The following LAMC2 variants were observed in gnomAD, a reference collection of about 807,000 sequenced individuals.
LAMC2 encodes the protein laminin subunit gamma 2.
In LAMC2, 97 loss-of-function variants were observed where a neutral mutation model predicts 140.2. The observed-to-expected ratio is 0.69, with a 90% confidence interval of 0.59 to 0.82. The LOEUF (loss-of-function observed/expected upper bound fraction) is 0.82. LAMC2 is among the 40% of genes least tolerant of loss of function. LAMC2 has a pLI of 0.00. For synonymous variants in LAMC2, 513 were observed against 540.2 expected, an observed-to-expected ratio of 0.95 and a Z score of 0.70; for missense variants, 1,402 against 1,476.1, an observed-to-expected ratio of 0.95 and a Z score of 0.82.
chr1:183,253,941 GTGTA>G, the LAMC2 span, among the ~76,000 whole-genome samples: 1 of 147,668 alleles, frequency 6.8e-6, no homozygotes, highest in South Asian at 2.2e-4. Context: ...GTGTGTGTGT[GTGTA>G]TGTGTGTGTG....
chr1:183,194,613 A>G (rs894354564), intron 1 of LAMC2, among the ~76,000 whole-genome samples: 6 of 152,192 alleles, frequency 3.9e-5, no homozygotes, highest in Non-Finnish European at 7.3e-5. Flanking sequence ...ACAAATTAGA[A>G]TCTCCTTTTT....
At chr1:183,239,246 T>C in intron 19 of LAMC2, 118 bp from the exon 20 acceptor site, 3 of 917,944 alleles carry the variant, frequency 3.3e-6, no homozygotes, top group Non-Finnish European at 5.5e-6. Flanking sequence ...TCCCACACCG[T>C]CATCCCCAGT....
chr1:183,228,131 C>A lies in LAMC2; in HGVS notation c.1469-243C>A, dbSNP rs1659687035. ...CTTACTACTTCTGTGGAGCTGCCTG[C>A]TTTTTCCCAGCCAGCTAGTTAAGCC... On this transcript the variant is annotated intron_variant, in intron 10 of 22. Coordinates refer to ENST00000264144, the MANE Select transcript of LAMC2 (RefSeq NM_005562.3). The surrounding 1 kb of genome is among the most constrained non-coding windows in gnomAD (Gnocchi z 4.3). Among the ~76,000 whole-genome samples, 1 of 152,164 alleles carries A rather than the reference C, an allele frequency of 6.6e-6. No homozygotes were observed. Among genetic ancestry groups the A allele is most frequent in the Non-Finnish European group, 1.5e-5 (1 of 68,022 alleles).
chr1:183,236,817 C>T (rs1659977556), intron 17 of LAMC2, among the ~76,000 whole-genome samples: 1 of 152,264 alleles, frequency 6.6e-6, no homozygotes. Flanking sequence ...CCATGCTAAA[C>T]CTATTACTGG....
chr1:183,188,348 G>A (rs563439846), intron 1 of LAMC2, among the ~76,000 whole-genome samples: 7 of 152,354 alleles, frequency 4.6e-5, no homozygotes, highest in South Asian at 2.1e-4. Flanking sequence ...CAAAGTGACC[G>A]TGTCTGAGTG....
At chr1:183,227,031 C>T (rs753386746) in intron 9 of LAMC2, 115 bp downstream of exon 9, 11 of 828,122 alleles carry the variant, frequency 1.3e-5, no homozygotes, top group Non-Finnish European at 2.2e-5. Context: ...TTAAGGAGAG[C>T]AGAGCTGGAG....
At chr1:183,217,400 A>G (rs906894846) in intron 3 of LAMC2, among the ~76,000 whole-genome samples, 2 of 152,222 alleles carry the variant, frequency 1.3e-5, no homozygotes, top group African/African-American at 4.8e-5. Flanking sequence ...TATTAAACCC[A>G]GCAATCCCAG....
chr1:183,230,802 G>A (rs889497155), intron 11 of LAMC2, among the ~76,000 whole-genome samples, 159 bp from the exon 12 acceptor site: 3 of 152,202 alleles, frequency 2.0e-5, no homozygotes, highest in Non-Finnish European at 2.9e-5. Context: ...AGGCAAACCT[G>A]CCACATGATT....
chr1:183,250,184 T>C, the LAMC2 span: 3 of 152,254 alleles, frequency 2.0e-5, no homozygotes, highest in African/African-American at 2.4e-5. Context: ...TCCTGGCTTA[T>C]GACTGTTCTG....
chr1:183,230,761 A>C (rs1259398092), intron 11 of LAMC2, among the ~76,000 whole-genome samples, 200 bp from the exon 12 acceptor site: 1 of 152,226 alleles, frequency 6.6e-6, no homozygotes, highest in Non-Finnish European at 1.5e-5. Flanking sequence ...GCTGCCAGAA[A>C]GGCTGTAATC....
In LAMC2 at chr1:183,243,543, G is replaced by GGCCATGGGATCAGGA; in HGVS notation, c.*143_*144insGCCATGGGATCAGGA. 2.0e-6 allele frequency: 2 copies of GGCCATGGGATCAGGA among 1,002,608 alleles called. No homozygotes were observed. Among genetic ancestry groups the GGCCATGGGATCAGGA allele is most frequent in the Non-Finnish European group, 3.1e-6 (2 of 648,316 alleles). 62.1% of individuals were successfully genotyped at this position (1,002,608 alleles called of 1,614,324 possible). On this transcript the variant is annotated 3_prime_UTR_variant, in exon 23 of 23. Transcript: ENST00000264144. ...GGTCAACTGACCTGACCCCATTCCT[G>GGCCATGGGATCAGGA]ATCCCATGGCCAGGTGGTTGTCTTA...
At chr1:183,231,717 G>T (rs1351965549) in intron 12 of LAMC2, among the ~76,000 whole-genome samples, 1 of 152,208 alleles carries the variant, frequency 6.6e-6, no homozygotes, top group Non-Finnish European at 1.5e-5. Context: ...CTGGAATGAG[G>T]ATTGGGGAAG....
intron 2 of LAMC2, among the ~76,000 whole-genome samples, chr1:183,214,877 T>A (rs1659202518): frequency 1.3e-5 from 2 of 152,080 alleles, no homozygotes. Flanking sequence ...CTGTAAAAAG[T>A]GGAATCATAA....
In LAMC2 at chr1:183,213,340, A is replaced by C. The variant is rs114194186; in HGVS notation, c.269-2113A>C. ...GTGACTCATTTATTTCACATTCCAC[A>C]TGCTGCATAAAGTCTTCATACAGGC... On this transcript the variant is annotated intron_variant, in intron 2 of 22. Transcript: ENST00000264144. Among the ~76,000 whole-genome samples, 1,136 of 152,362 alleles carry C rather than the reference A, an allele frequency of 7.5e-3. 10 individuals are homozygous for C. The highest frequency in any genetic ancestry group is 0.013 in the Non-Finnish European group (857 of 68,036).
intron 11 of LAMC2, among the ~76,000 whole-genome samples, chr1:183,230,127 C>T (rs532357549): frequency 3.3e-5 from 5 of 152,206 alleles, no homozygotes; most frequent in Admixed American, 3.3e-4. Context: ...TTCTAGGTTA[C>T]TAACAGAAAT....
At position 183,243,862 on chromosome 1, in the gene LAMC2, A is replaced by G. The variant is rs976111002; in HGVS notation, c.*462A>G. ...AGTGCAACCCAGTCACACTGTGGCCAGTAAAATACTATTGCCTCATATTGT... is the reference window on the plus strand; with the variant it reads ...AGTGCAACCCAGTCACACTGTGGCCGGTAAAATACTATTGCCTCATATTGT... On this transcript the variant is annotated 3_prime_UTR_variant, in exon 23 of 23. Transcript: ENST00000264144. The G allele has an allele frequency of 4.4e-6, 1 of 229,502 alleles. No homozygotes were observed. The highest frequency in any genetic ancestry group is 8.7e-6 in the Non-Finnish European group (1 of 114,516). 14.2% of individuals were successfully genotyped at this position (229,502 alleles called of 1,614,324 possible).
chr1:183,207,382 C>T (rs1279279024), intron 1 of LAMC2, among the ~76,000 whole-genome samples: 1 of 131,486 alleles, frequency 7.6e-6, no homozygotes, highest in Non-Finnish European at 1.7e-5. Flanking sequence ...CGGTCACGTC[C>T]ACTCCTTTGC....
intron 2 of LAMC2, among the ~76,000 whole-genome samples, chr1:183,215,110 G>C (rs1258029005): frequency 6.6e-6 from 1 of 152,150 alleles, no homozygotes; most frequent in Non-Finnish European, 1.5e-5. Flanking sequence ...CTCTCTTCTA[G>C]GAGGCCAATG....
At chr1:183,187,522 A>C (rs1365010486) in intron 1 of LAMC2, among the ~76,000 whole-genome samples, 1 of 150,708 alleles carries the variant, frequency 6.6e-6, no homozygotes, top group East Asian at 1.9e-4. Context: ...AAAAAGGTGG[A>C]GATAAGTATG....
Sources: allele counts gnomAD v4.1 joint callset (sites outside exome capture counted in the v4.1 genomes callset), GRCh38; gene constraint gnomAD v4.1.1; non-coding constraint Gnocchi (gnomAD v3.1); transcripts MANE v1.5; gene names NCBI Gene and HGNC (gene_info 2026-07-23, HGNC 2026-07-21).